The following SEPTIN8 variants were observed in gnomAD, a reference collection of about 807,000 sequenced individuals.
The protein encoded by SEPTIN8 is septin-8.
Under a neutral mutation model 53.1 loss-of-function variants are expected in SEPTIN8, and 22 were observed. The ratio of observed to expected loss-of-function variants is 0.41; its 90% CI spans 0.30 to 0.59. The LOEUF (loss-of-function observed/expected upper bound fraction) is 0.59. SEPTIN8 is among the 20% of genes least tolerant of loss of function. The pLI, the probability that SEPTIN8 is intolerant of heterozygous loss-of-function variation, is 0.24. For synonymous variants in SEPTIN8, 228 were observed against 248.4 expected, an observed-to-expected ratio of 0.92 and a Z score of 0.77; for missense variants, 536 against 638.7, an observed-to-expected ratio of 0.84 and a Z score of 1.73.
chr5:132,764,335 G>GC lies in SEPTIN8; in HGVS notation c.235dup (p.Ala79GlyfsTer11). On this transcript the variant is annotated frameshift_variant, in exon 3 of 10. Coordinates refer to ENST00000378719, the MANE Select transcript of SEPTIN8 (RefSeq NM_001098811.2). LOFTEE classifies it high-confidence loss of function. ...GGTCTGGGGCCGCAGGCGCACGCAT[G>GC]CCTCATGGTGACTGGCTTCCTCAGT... 6.2e-7 allele frequency: 1 copy of GC among 1,614,230 alleles called. No individual in the cohort carries two copies. Among genetic ancestry groups the GC allele is most frequent in the Non-Finnish European group, 8.5e-7 (1 of 1,180,038 alleles).
chr5:132,778,113 G>A, upstream of SEPTIN8: 2 of 979,958 alleles, frequency 2.0e-6, no homozygotes, highest in Non-Finnish European at 2.4e-6. Flanking sequence ...AGGAGGTTCT[G>A]TATCCTTCTC....
intron 4 of SEPTIN8, 22 bp downstream of exon 4, chr5:132,763,684 C>G: frequency 6.2e-7 from 1 of 1,607,788 alleles, no homozygotes; most frequent in Non-Finnish European, 8.5e-7. Flanking sequence ...GAGCCTGTGA[C>G]AGCAGGTGGG....
chr5:132,766,799 C>T (rs1360202141), intron 1 of SEPTIN8, among the ~76,000 whole-genome samples: 2 of 152,112 alleles, frequency 1.3e-5, no homozygotes, highest in Admixed American at 1.3e-4. Flanking sequence ...CTGACTCCTG[C>T]CCCACAGAAG....
In SEPTIN8 at chr5:132,751,629, T is replaced by C. The variant is rs1171324957; in HGVS notation, c.*387A>G. 3 of 367,736 alleles carry C rather than the reference T, an allele frequency of 8.2e-6. No homozygotes were observed. The highest frequency in any genetic ancestry group is 2.1e-5 in the African/African-American group (1 of 47,474). 22.8% of individuals were successfully genotyped at this position (367,736 alleles called of 1,614,324 possible). A position where few individuals can be genotyped will look rare whatever the true frequency, so the allele number is the denominator to read the frequency against. On this transcript the variant is annotated 3_prime_UTR_variant, in exon 10 of 10. Coordinates refer to ENST00000378719, the MANE Select transcript of SEPTIN8 (RefSeq NM_001098811.2). ...TGCCAAGTTGCAGAGTTTCGTCTTA[T>C]GATAAGCAGATACAAGTAACTTTTC...
chr5:132,763,301 T>C (rs1756185314), intron 4 of SEPTIN8, among the ~76,000 whole-genome samples: 1 of 152,002 alleles, frequency 6.6e-6, no homozygotes, highest in African/African-American at 2.4e-5. Flanking sequence ...GACATTTATG[T>C]CAGGGAGGAA....
rs1330778137 is a variant in SEPTIN8, at chr5:132,773,729, T to G, written c.30+3379A>C. On this transcript the variant is annotated intron_variant, in intron 1 of 9. Coordinates refer to ENST00000378719, the MANE Select transcript of SEPTIN8 (RefSeq NM_001098811.2). The surrounding 1 kb of genome is among the most constrained non-coding windows in gnomAD (Gnocchi z 4.2). The stretch of plus-strand genomic sequence containing the variant: ...TCTCCCTCCTCCTTGGCCCTGAGCT[T>G]GGTCTCCTCCTTGCCATCCTCTCTG... Among the ~76,000 whole-genome samples the G allele has an allele frequency of 6.6e-6, 1 of 152,200 alleles. No homozygotes were observed. Among genetic ancestry groups the G allele is most frequent in the Admixed American group, 6.5e-5 (1 of 15,284 alleles).
chr5:132,774,796 C>T (rs915244727), intron 1 of SEPTIN8, among the ~76,000 whole-genome samples: 12 of 152,152 alleles, frequency 7.9e-5, no homozygotes, highest in African/African-American at 2.2e-4. Context: ...CTGGGGCTTG[C>T]GAGACACCTC....
At chr5:132,771,629 C>A (rs1757327060) in intron 1 of SEPTIN8, among the ~76,000 whole-genome samples, 1 of 152,180 alleles carries the variant, frequency 6.6e-6, no homozygotes, top group Non-Finnish European at 1.5e-5. Context: ...GAAGCTTTCT[C>A]CACCCATGTT....
At chr5:132,752,511 C>T (rs1261547808) in intron 9 of SEPTIN8, among the ~76,000 whole-genome samples, 3 of 152,116 alleles carry the variant, frequency 2.0e-5, no homozygotes, top group African/African-American at 7.2e-5. Flanking sequence ...GAGGAAGCAA[C>T]CCTGAGCTTA....
In SEPTIN8 at chr5:132,761,759, C is replaced by G; in HGVS notation, c.793+41G>C. 1.9e-6 allele frequency: 3 copies of G among 1,589,898 alleles called. No homozygotes were observed. Among genetic ancestry groups the G allele is most frequent in the South Asian group, 2.3e-5 (2 of 87,176 alleles). On this transcript the variant is annotated intron_variant, in intron 6 of 9. Coordinates refer to ENST00000378719, the MANE Select transcript of SEPTIN8 (RefSeq NM_001098811.2). This position sits in a 1 kb window ranked among gnomAD's most constrained non-coding sequence, Gnocchi z 5.8. ...ACAGGCAGCAGGGCAGGCCAGGGAA[C>G]TCAGTTCTACCCCCAGGATGCATTT...
chr5:132,763,425 G>A (rs1249949625), intron 4 of SEPTIN8, among the ~76,000 whole-genome samples: 5 of 152,188 alleles, frequency 3.3e-5, no homozygotes, highest in Admixed American at 2.0e-4. Flanking sequence ...AAACACTATC[G>A]GGAGCGGGAG....
upstream of SEPTIN8, among the ~76,000 whole-genome samples, chr5:132,779,308 A>G (rs934275898): frequency 6.6e-6 from 1 of 152,236 alleles, no homozygotes; most frequent in Admixed American, 6.5e-5. Context: ...GTATACACCT[A>G]GAGGTTAGTT....
intron 1 of SEPTIN8, among the ~76,000 whole-genome samples, chr5:132,775,131 T>C (rs895923733): frequency 6.6e-6 from 1 of 152,048 alleles, no homozygotes; most frequent in African/African-American, 2.4e-5. Flanking sequence ...CCTGAGTCAG[T>C]CCCCTCTCTG....
chr5:132,752,985 C>G, intron 9 of SEPTIN8: 1 of 1,602,520 alleles, frequency 6.2e-7, no homozygotes, highest in Non-Finnish European at 8.5e-7. Flanking sequence ...TCTGCCTCCA[C>G]CCCGGGGCTT....
Position 132,776,175 on chromosome 5 carries a change from C to G in SEPTIN8, c.30+933G>C, listed in dbSNP as rs1024005976. Among the ~76,000 whole-genome samples the G allele has an allele frequency of 5.3e-5, 8 of 151,900 alleles. No homozygotes were observed. Among genetic ancestry groups the G allele is most frequent in the Non-Finnish European group, 1.2e-4 (8 of 67,972 alleles). The stretch of plus-strand genomic sequence containing the variant: ...GGCCTCCCTCCTCCTCCTCCTCCTT[C>G]TCCCCCTCCTCCCCCTTCCAGCCGA... On this transcript the variant is annotated intron_variant, in intron 1 of 9. Transcript: ENST00000378719. This position sits in a 1 kb window ranked among gnomAD's most constrained non-coding sequence, Gnocchi z 4.4.
intron 9 of SEPTIN8, among the ~76,000 whole-genome samples, chr5:132,752,627 G>T (rs550710114): frequency 6.6e-6 from 1 of 152,312 alleles, no homozygotes; most frequent in East Asian, 1.9e-4. Context: ...GCACAAGGAG[G>T]AGAGGGGTGT....
At position 132,765,537 on chromosome 5, in the gene SEPTIN8, G is replaced by A. The variant is rs1007064131; in HGVS notation, c.31-8C>T. 2 of 1,582,620 alleles carry A rather than the reference G, an allele frequency of 1.3e-6. No homozygotes were observed. The highest frequency in any genetic ancestry group is 2.3e-5 in the South Asian group (2 of 85,304). On this transcript the variant is annotated splice_polypyrimidine_tract_variant and splice_region_variant and intron_variant, in intron 1 of 9. Coordinates refer to ENST00000378719, the MANE Select transcript of SEPTIN8 (RefSeq NM_001098811.2). Reference sequence around the variant, plus strand: ...GGGCTCTGGCTCTGCATTCTGCCAAGAGAGAAATAAAGCAAGACATGAGCC... The same window carrying A: ...GGGCTCTGGCTCTGCATTCTGCCAAAAGAGAAATAAAGCAAGACATGAGCC...
chr5:132,761,328 CAG>C lies in SEPTIN8; in HGVS notation c.963-65_963-64del. 1 of 1,603,774 alleles carries C rather than the reference CAG, an allele frequency of 6.2e-7. No individual in the cohort carries two copies. The highest frequency in any genetic ancestry group is 8.5e-7 in the Non-Finnish European group (1 of 1,177,822). On this transcript the variant is annotated intron_variant, in intron 7 of 9. Coordinates refer to ENST00000378719, the MANE Select transcript of SEPTIN8 (RefSeq NM_001098811.2). This position sits in a 1 kb window ranked among gnomAD's most constrained non-coding sequence, Gnocchi z 5.8. The stretch of plus-strand genomic sequence containing the variant: ...TATGACGGAATGGGATAGGGCAGGG[CAG>C]AGCCAGAGAAGTAGAATCATGTGGG...
chr5:132,756,946 A>G, intron 9 of SEPTIN8: 1 of 985,420 alleles, frequency 1.0e-6, no homozygotes, highest in Non-Finnish European at 1.2e-6. Context: ...GAGAGAGGCT[A>G]TCTTAAAGGT....
Sources: gnomAD v4.1 joint callset for allele counts (sites outside exome capture counted in the v4.1 genomes callset) on GRCh38, gnomAD v4.1.1 for gene constraint, Gnocchi (gnomAD v3.1) non-coding constraint, MANE v1.5 for transcripts, NCBI Gene and HGNC (gene_info 2026-07-23, HGNC 2026-07-21) for gene names.